Variants in NUDT19 observed in about 807,000 individuals in gnomAD.
NUDT19 encodes nudix hydrolase 19, also known as acyl-coenzyme A diphosphatase NUDT19.
NUDT19 carries 31 observed loss-of-function variants against 22.2 expected under a neutral mutation model. The observed-to-expected ratio is 1.40, with a 90% confidence interval of 1.05 to 1.89. The LOEUF is 1.89. NUDT19 is among the 40% of genes most tolerant of loss of function. The probability of loss-of-function intolerance (pLI) is 0.00; values close to 1 mark genes in which losing one functional copy is unlikely to be tolerated. For missense variants in NUDT19, 752 were observed against 514.2 expected, an observed-to-expected ratio of 1.46 and a Z score of -4.47; for synonymous variants, 325 against 230.8, an observed-to-expected ratio of 1.41 and a Z score of -3.70.
intron 1 of NUDT19, among the ~76,000 whole-genome samples, chr19:32,695,866 G>C (rs1159491062): frequency 1.3e-5 from 2 of 152,184 alleles, no homozygotes; most frequent in Non-Finnish European, 2.9e-5. Context: ...TCCTTTCCCA[G>C]TTCTAAGGCT....
rs774015078 is a variant in NUDT19, at chr19:32,692,137, G to A, written c.177G>A (p.Ala59=). The A allele has an allele frequency of 3.4e-6, 5 of 1,485,122 alleles. No individual in the cohort carries two copies. The highest frequency in any genetic ancestry group is 3.5e-6 in the Non-Finnish European group (4 of 1,126,906). 92.0% of individuals were successfully genotyped at this position (1,485,122 alleles called of 1,614,324 possible). A position where few individuals can be genotyped will look rare whatever the true frequency, so the allele number is the denominator to read the frequency against. The change falls in exon 1 of 3, where the codon GCG becomes GCA. Residue 59 remains alanine (A), a synonymous_variant. Transcript: ENST00000397061. The part of the protein sequence containing the change: ...RSPHQGFMPG[A]HVFSGGVLDA... ...CGCACCAAGGCTTCATGCCGGGCGC[G>A]CACGTCTTCTCCGGCGGAGTGCTGG...
intron 1 of NUDT19, among the ~76,000 whole-genome samples, chr19:32,701,148 T>A (rs978669997): frequency 1.3e-5 from 2 of 151,920 alleles, no homozygotes; most frequent in African/African-American, 4.8e-5. Context: ...TATTTGTTGG[T>A]ATTTTGGTAA....
chr19:32,692,241 C>G lies in NUDT19; in HGVS notation c.281C>G (p.Ala94Gly), dbSNP rs754360671. Residue 94 changes from alanine to glycine, a missense_variant, in exon 1 of 3, where the codon GCG becomes GGG. Physicochemically the swap from Ala to Gly is moderately conservative, Grantham distance 60. Coordinates refer to ENST00000397061, the MANE Select transcript of NUDT19 (RefSeq NM_001105570.2). Reference protein sequence around the residue: ...HGPPRFGLGPAPFSRTAFPSL... With the variant: ...HGPPRFGLGPGPFSRTAFPSL... The stretch of plus-strand genomic sequence containing the variant: ...CCGCCGCGCTTCGGCCTGGGCCCGG[C>G]GCCATTCAGCCGCACCGCTTTCCCG... 1 of 1,590,400 alleles carries G rather than the reference C, an allele frequency of 6.3e-7. No homozygotes were observed. The highest frequency in any genetic ancestry group is 8.5e-7 in the Non-Finnish European group (1 of 1,176,804).
chr19:32,701,975 A>G (rs2145363023), intron 1 of NUDT19, among the ~76,000 whole-genome samples: 1 of 152,204 alleles, frequency 6.6e-6, no homozygotes, highest in South Asian at 2.1e-4. Flanking sequence ...ACATAGCGAA[A>G]CCCCATCTAT....
intron 1 of NUDT19, among the ~76,000 whole-genome samples, chr19:32,705,139 T>A (rs1244680054): frequency 6.9e-6 from 1 of 144,786 alleles, no homozygotes; most frequent in Non-Finnish European, 1.5e-5. Context: ...GTATTGGAAC[T>A]TGGCTGGGTG....
In NUDT19 at chr19:32,709,369, A is replaced by T. The variant is rs371226805; in HGVS notation, c.899A>T (p.Asp300Val). Residue 300 changes from aspartate (D) to valine (V), a missense_variant, in exon 2 of 3, where the codon GAT becomes GTT. Physicochemically the swap from Asp to Val is radical, Grantham distance 152 (BLOSUM62 -3). Coordinates refer to ENST00000397061, the MANE Select transcript of NUDT19 (RefSeq NM_001105570.2). ...RWLPIILLTADGMVHLLPGDE... is the reference protein window; with the variant it reads ...RWLPIILLTAVGMVHLLPGDE... ...CTGCCGATCATCTTGTTAACTGCTG[A>T]TGGGATGGTCCATCTTTTACCAGGT... 222 of 1,613,972 alleles carry T rather than the reference A, an allele frequency of 1.4e-4. No homozygotes were observed. Among genetic ancestry groups the T allele is most frequent in the Non-Finnish European group, 1.8e-4 (207 of 1,179,974 alleles).
intron 2 of NUDT19, 93 bp from the exon 3 acceptor site, chr19:32,711,659 A>G (rs1968448682): frequency 1.4e-6 from 1 of 716,992 alleles, no homozygotes; most frequent in Non-Finnish European, 2.4e-6. Context: ...GATTTATAAA[A>G]TAATACTCGA....
intron 1 of NUDT19, among the ~76,000 whole-genome samples, chr19:32,699,454 C>T (rs1968307302): frequency 6.6e-6 from 1 of 152,202 alleles, no homozygotes; most frequent in Non-Finnish European, 1.5e-5. Context: ...CGACCCTCGG[C>T]TCAGCCCAGA....
At chr19:32,706,872 G>A (rs1255446460) in intron 1 of NUDT19, among the ~76,000 whole-genome samples, 1 of 152,140 alleles carries the variant, frequency 6.6e-6, no homozygotes, top group Non-Finnish European at 1.5e-5. Context: ...ACTGTATGCT[G>A]CTTCCCAAAT....
intron 1 of NUDT19, among the ~76,000 whole-genome samples, chr19:32,706,889 G>A (rs2145366450): frequency 6.6e-6 from 1 of 152,266 alleles, no homozygotes; most frequent in African/African-American, 2.4e-5. Flanking sequence ...AAATTCTGCT[G>A]TATGGGCTTC....
At chr19:32,697,124 C>T (rs1599797175) in intron 1 of NUDT19, among the ~76,000 whole-genome samples, 1 of 152,136 alleles carries the variant, frequency 6.6e-6, no homozygotes. Flanking sequence ...TTGGCCTGCT[C>T]CATTCTCTGT....
rs150193820 is a variant in NUDT19 at position 32,704,039 on chromosome 19, A to C, written c.715-5146A>C. Among the ~76,000 whole-genome samples the C allele has an allele frequency of 3.1e-4, 47 of 152,152 alleles. No homozygotes were observed. The East Asian group carries it at 6.8e-3, about 22-fold the overall frequency. ...ATCTCTGGTATCCTTCTGCCTAAAG[A>C]AGTTTCTCTAATATTTCTTGTAGTA... On this transcript the variant is annotated intron_variant, in intron 1 of 2. Coordinates refer to ENST00000397061, the MANE Select transcript of NUDT19 (RefSeq NM_001105570.2).
chr19:32,694,058 C>T (rs114812325), intron 1 of NUDT19, among the ~76,000 whole-genome samples: 2,027 of 152,216 alleles, frequency 0.013, 44 homozygotes, highest in African/African-American at 0.046. Flanking sequence ...TTTGGGTTTC[C>T]GTTTGTAAGA....
chr19:32,709,525 G>A, intron 2 of NUDT19, 133 bp downstream of exon 2: 1 of 678,616 alleles, frequency 1.5e-6, no homozygotes. Context: ...AGCTAAGTAA[G>A]ATCAAAGCCT....
chr19:32,705,763 T>C (rs1348200695), intron 1 of NUDT19, among the ~76,000 whole-genome samples: 1 of 152,024 alleles, frequency 6.6e-6, no homozygotes, highest in Non-Finnish European at 1.5e-5. Flanking sequence ...TTTTGTATTT[T>C]TAGTAGAGTC....
chr19:32,705,913 T>G (rs1189143134), intron 1 of NUDT19, among the ~76,000 whole-genome samples: 1 of 152,122 alleles, frequency 6.6e-6, no homozygotes, highest in Non-Finnish European at 1.5e-5. Context: ...TGTATGACCC[T>G]CATAAGGTCT....
At chr19:32,710,432 A>C (rs1180611917) in intron 2 of NUDT19, among the ~76,000 whole-genome samples, 4 of 151,616 alleles carry the variant, frequency 2.6e-5, no homozygotes, top group South Asian at 2.1e-4. Flanking sequence ...AAAAAAAAAA[A>C]AAAAAACAAA....
intron 1 of NUDT19, among the ~76,000 whole-genome samples, chr19:32,703,192 G>T (rs1968352972): frequency 6.6e-6 from 1 of 151,818 alleles, no homozygotes; most frequent in Admixed American, 6.6e-5. Context: ...GGAGAAACGG[G>T]TTTTCTCCGT....
At chr19:32,708,166 G>A (rs1433529367) in intron 1 of NUDT19, among the ~76,000 whole-genome samples, 1 of 144,178 alleles carries the variant, frequency 6.9e-6, no homozygotes, top group Non-Finnish European at 1.5e-5. Context: ...AAAAAATCAC[G>A]ACTGTAATCC....
Sources: gnomAD v4.1 joint callset for allele counts (sites outside exome capture counted in the v4.1 genomes callset) on GRCh38, gnomAD v4.1.1 for gene constraint, MANE v1.5 for transcripts, NCBI Gene and HGNC (gene_info 2026-07-23, HGNC 2026-07-21) for gene names.